PRKAG2: variants seen among roughly 807,000 people sequenced by gnomAD.
PRKAG2 encodes 5'-AMP-activated protein kinase subunit gamma-2.
Under a neutral mutation model 69.6 loss-of-function variants are expected in PRKAG2, and 26 were observed. The ratio of observed to expected loss-of-function variants is 0.37; its 90% CI spans 0.27 to 0.52. The LOEUF is 0.52. Among genes scored for constraint, PRKAG2 ranks in the 20% least tolerant of loss-of-function variants. PRKAG2 has a pLI of 0.90. For synonymous variants in PRKAG2, 293 were observed against 285.0 expected, an observed-to-expected ratio of 1.03 and a Z score of -0.28; for missense variants, 557 against 740.0, an observed-to-expected ratio of 0.75 and a Z score of 2.87.
At chr7:151,742,922 T>C (rs1344135603) in intron 3 of PRKAG2, among the ~76,000 whole-genome samples, 1 of 152,222 alleles carries the variant, frequency 6.6e-6, no homozygotes, top group Non-Finnish European at 1.5e-5. Flanking sequence ...TGAACGCTGA[T>C]GCGTTGGGAG....
At chr7:151,684,885 C>G (rs1283387634) in intron 3 of PRKAG2, among the ~76,000 whole-genome samples, 1 of 152,194 alleles carries the variant, frequency 6.6e-6, no homozygotes, top group Non-Finnish European at 1.5e-5. Flanking sequence ...AGGCCAGTCC[C>G]TGGTTTCTCA....
At chr7:151,794,771 G>A (rs186236849) in intron 1 of PRKAG2, among the ~76,000 whole-genome samples, 44 of 152,340 alleles carry the variant, frequency 2.9e-4, no homozygotes, top group African/African-American at 9.6e-4. Context: ...ACTTGTGCAC[G>A]GCAGTTCTAA....
At chr7:151,724,133 G>T (rs1797555968) in intron 3 of PRKAG2, among the ~76,000 whole-genome samples, 1 of 152,146 alleles carries the variant, frequency 6.6e-6, no homozygotes, top group African/African-American at 2.4e-5. Flanking sequence ...TGGGTCCGGG[G>T]GGTGCTGGTG....
At position 151,614,569 on chromosome 7, in the gene PRKAG2, C is replaced by G. The variant is rs538728792; in HGVS notation, c.754+17500G>C. ...CCTGCGTGCTCTCCTTCACCTCCGCCCCTCACCAGCTTGCTTCCCGCTCTC... is the reference window on the plus strand; with the variant it reads ...CCTGCGTGCTCTCCTTCACCTCCGCGCCTCACCAGCTTGCTTCCCGCTCTC... On this transcript the variant is annotated intron_variant, in intron 5 of 15. Coordinates refer to ENST00000287878, the MANE Select transcript of PRKAG2 (RefSeq NM_016203.4). The surrounding 1 kb of genome is among the most constrained non-coding windows in gnomAD (Gnocchi z 4.4). 5.9e-5 allele frequency among the ~76,000 whole-genome samples: 9 copies of G among 152,214 alleles called. No homozygotes were observed. Among genetic ancestry groups the G allele is most frequent in the African/African-American group, 2.2e-4 (9 of 41,538 alleles).
intron 3 of PRKAG2, among the ~76,000 whole-genome samples, chr7:151,730,302 T>TGACA (rs889343322): frequency 6.6e-6 from 1 of 152,222 alleles, no homozygotes; most frequent in Non-Finnish European, 1.5e-5. Flanking sequence ...CAGGTGAGAA[T>TGACA]GACAGAACCT....
At chr7:151,735,842 C>T (rs1207001458) in intron 3 of PRKAG2, 22 of 1,533,432 alleles carry the variant, frequency 1.4e-5, no homozygotes, top group East Asian at 2.4e-5. Context: ...GCACACACGC[C>T]GTGGGGTTCC....
In PRKAG2 at chr7:151,704,061, CA is replaced by C. The variant is rs555720776; in HGVS notation, c.467-28425del. On this transcript the variant is annotated intron_variant, in intron 3 of 15. Coordinates refer to ENST00000287878, the MANE Select transcript of PRKAG2 (RefSeq NM_016203.4). ...TGGATGACAGACCGAGACTCTGTCTCAAAAAAAAAAATGTGGGTACATAGTA... is the reference window on the plus strand; with the variant it reads ...TGGATGACAGACCGAGACTCTGTCTCAAAAAAAAAATGTGGGTACATAGTA... 7.3e-3 allele frequency among the ~76,000 whole-genome samples: 1,019 copies of C among 140,430 alleles called. 1 individual carries two copies. Among genetic ancestry groups the C allele is most frequent in the African/African-American group, 0.016 (596 of 38,334 alleles). The allele number at this position is 140,430 out of a possible 152,430, so 92.1% of individuals were successfully genotyped here. A position where few individuals can be genotyped will look rare whatever the true frequency, so the allele number is the denominator to read the frequency against.
intron 1 of PRKAG2, among the ~76,000 whole-genome samples, chr7:151,849,727 T>C (rs1397622574): frequency 6.6e-6 from 1 of 152,112 alleles, no homozygotes; most frequent in African/African-American, 2.4e-5. Context: ...CGGCCTCTGC[T>C]GTCCCATGGC....
In PRKAG2 at chr7:151,574,915, T is replaced by C. The variant is rs764162597; in HGVS notation, c.981A>G (p.Leu327=). ...MLTITDFINI[L]HRYYKSPMVQ... is the part of the protein sequence containing the mutation. Reference sequence around the variant, plus strand: ...CCATAGGTGATTTATAGTATCTATGTAGTATATTTATGAAATCTGTAATTG... The same window carrying C: ...CCATAGGTGATTTATAGTATCTATGCAGTATATTTATGAAATCTGTAATTG... Residue 327 remains leucine (L), a synonymous_variant, in exon 8 of 16, where the codon CTA becomes CTG. Coordinates refer to ENST00000287878, the MANE Select transcript of PRKAG2 (RefSeq NM_016203.4). The C allele has an allele frequency of 1.1e-4, 181 of 1,613,386 alleles. No homozygotes were observed. Among genetic ancestry groups the C allele is most frequent in the Middle Eastern group, 4.9e-4 (3 of 6,062 alleles).
chr7:151,782,371 G>GGGAGGGAGGGAGGGAA (rs1563663405), intron 2 of PRKAG2, among the ~76,000 whole-genome samples: 2 of 22,026 alleles, frequency 9.1e-5, no homozygotes, highest in African/African-American at 2.3e-4. Flanking sequence ...GAGGGAGGGA[G>GGGAGGGAGGGAGGGAA]GGAAGGAAAG....
chr7:151,802,920 C>A (rs1156442846), intron 1 of PRKAG2, among the ~76,000 whole-genome samples: 2 of 147,524 alleles, frequency 1.4e-5, no homozygotes, highest in African/African-American at 2.5e-5. Context: ...TTATCATAGA[C>A]ATATATATGA....
chr7:151,737,155 C>T (rs1197672432), intron 3 of PRKAG2, among the ~76,000 whole-genome samples: 3 of 152,088 alleles, frequency 2.0e-5, no homozygotes, highest in Non-Finnish European at 4.4e-5. Flanking sequence ...AGTTACTTCC[C>T]ATTTCTGAAC....
chr7:151,849,330 G>A (rs1023583219), intron 1 of PRKAG2, among the ~76,000 whole-genome samples: 2 of 152,220 alleles, frequency 1.3e-5, no homozygotes, highest in African/African-American at 4.8e-5. Flanking sequence ...CTGGAACTTG[G>A]CCCTTCCCTT....
chr7:151,855,289 T>C (rs1408675013), intron 1 of PRKAG2, among the ~76,000 whole-genome samples: 25 of 22,970 alleles, frequency 1.1e-3, no homozygotes, highest in South Asian at 3.0e-3. Flanking sequence ...CACACCACCC[T>C]CCACACACCA....
intron 3 of PRKAG2, among the ~76,000 whole-genome samples, chr7:151,735,240 C>T (rs949469099): frequency 2.6e-5 from 4 of 152,186 alleles, no homozygotes; most frequent in African/African-American, 9.6e-5. Context: ...GCTTTGGAAT[C>T]GACCTGTGTG....
At chr7:151,870,159 AGGCAGGCAGGCAGG>A (rs1563769292) in intron 1 of PRKAG2, among the ~76,000 whole-genome samples, 10 of 109,560 alleles carry the variant, frequency 9.1e-5, no homozygotes, top group African/African-American at 1.6e-4. Context: ...ATAGATAGGC[AGGCAGGCAGGCAGG>A]CAGGCAGGCA....
intron 4 of PRKAG2, among the ~76,000 whole-genome samples, chr7:151,634,157 T>G (rs1037893357): frequency 4.6e-5 from 7 of 152,204 alleles, no homozygotes; most frequent in African/African-American, 1.7e-4. Flanking sequence ...GGCAGAAGAA[T>G]GGATATAATA....
chr7:151,670,935 G>A (rs2244852), intron 4 of PRKAG2, among the ~76,000 whole-genome samples: 101,561 of 151,920 alleles, frequency 0.67, 34,026 homozygotes, highest in Admixed American at 0.69. Flanking sequence ...CACTTTGGGA[G>A]GCCAAGGTGG....
At chr7:151,600,027 A>G (rs1815668215) in intron 5 of PRKAG2, among the ~76,000 whole-genome samples, 3 of 151,692 alleles carry the variant, frequency 2.0e-5, no homozygotes, top group African/African-American at 7.3e-5. Context: ...GGCCCAGTGA[A>G]CTCCTTCATT....
Sources: allele counts gnomAD v4.1 joint callset (sites outside exome capture counted in the v4.1 genomes callset), GRCh38; gene constraint gnomAD v4.1.1; non-coding constraint Gnocchi (gnomAD v3.1); transcripts MANE v1.5; gene names NCBI Gene and HGNC (gene_info 2026-07-23, HGNC 2026-07-21).